Variants in KSR2 observed in about 807,000 individuals in gnomAD.
KSR2 encodes kinase suppressor of ras 2.
In KSR2, 25 loss-of-function variants were observed where a neutral mutation model predicts 107.8. That is an observed-to-expected ratio of 0.23 (90% confidence interval 0.17 to 0.32). The LOEUF (loss-of-function observed/expected upper bound fraction) is 0.32. Among genes scored for constraint, KSR2 ranks in the 10% least tolerant of loss-of-function variants. KSR2 has a pLI of 1.00. For missense variants in KSR2, 887 were observed against 1,268.9 expected (o/e 0.70, Z 4.57); for synonymous variants, 480 against 507.0 (o/e 0.95, Z 0.71).
At chr12:117,737,197 A>G (rs1887979719) in intron 4 of KSR2, among the ~76,000 whole-genome samples, 2 of 152,212 alleles carry the variant, frequency 1.3e-5, no homozygotes, top group African/African-American at 4.8e-5. Context: ...CTAATGTAAC[A>G]TCATATACAT....
intron 5 of KSR2, among the ~76,000 whole-genome samples, chr12:117,603,839 C>T (rs967118236): frequency 2.0e-5 from 3 of 152,200 alleles, no homozygotes; most frequent in Admixed American, 1.3e-4. Flanking sequence ...TGCTAACTGT[C>T]TTAGGCTTTC....
intron 3 of KSR2, among the ~76,000 whole-genome samples, chr12:117,777,157 A>T (rs1328084603): frequency 7.2e-6 from 1 of 139,224 alleles, no homozygotes; most frequent in African/African-American, 2.7e-5. Flanking sequence ...ATATATATAC[A>T]CACCATACAT....
At chr12:117,697,378 T>C (rs188895898) in intron 4 of KSR2, among the ~76,000 whole-genome samples, 46 of 152,338 alleles carry the variant, frequency 3.0e-4, no homozygotes, top group Admixed American at 2.7e-3. Flanking sequence ...CAGAGGTATG[T>C]TTATTTAATG....
intron 1 of KSR2, among the ~76,000 whole-genome samples, chr12:117,896,125 T>C (rs1328370182): frequency 1.3e-5 from 2 of 152,098 alleles, no homozygotes; most frequent in African/African-American, 2.4e-5. Flanking sequence ...GCAACCCAAA[T>C]GTCCATCAAC....
At chr12:117,517,784 G>T in intron 14 of KSR2, 1 of 451,118 alleles carries the variant, frequency 2.2e-6, no homozygotes. Context: ...ACTCGATGAT[G>T]GGGACGGAAT....
intron 9 of KSR2, among the ~76,000 whole-genome samples, chr12:117,552,928 T>G (rs991060487): frequency 6.6e-6 from 1 of 152,264 alleles, no homozygotes; most frequent in African/African-American, 2.4e-5. Flanking sequence ...ATTCCCATTA[T>G]GGAGCAGAGA....
intron 5 of KSR2, among the ~76,000 whole-genome samples, chr12:117,611,570 G>A (rs1017334470): frequency 2.0e-5 from 3 of 152,028 alleles, no homozygotes; most frequent in Non-Finnish European, 2.9e-5. Context: ...TGGGGAATAC[G>A]ATGGGGAAAG....
At chr12:117,924,026 G>A (rs557207612) in intron 1 of KSR2, among the ~76,000 whole-genome samples, 1 of 151,250 alleles carries the variant, frequency 6.6e-6, no homozygotes, top group South Asian at 2.1e-4. Context: ...TTACAGGCAT[G>A]CGCCACCACG....
intron 3 of KSR2, among the ~76,000 whole-genome samples, chr12:117,808,732 C>T (rs978187830): frequency 3.9e-5 from 6 of 151,944 alleles, no homozygotes; most frequent in Admixed American, 1.3e-4. Flanking sequence ...CTGGTGAATT[C>T]GTTGCCATCC....
At chr12:117,956,252 A>T (rs1434906671) in intron 1 of KSR2, among the ~76,000 whole-genome samples, 2 of 51,770 alleles carry the variant, frequency 3.9e-5, no homozygotes, top group African/African-American at 6.1e-4. Flanking sequence ...TCTGTCTCAA[A>T]AAAAAAAAAA....
intron 3 of KSR2, among the ~76,000 whole-genome samples, chr12:117,852,038 T>C (rs963897223): frequency 6.6e-6 from 1 of 152,148 alleles, no homozygotes; most frequent in African/African-American, 2.4e-5. Flanking sequence ...TATGTGTAGC[T>C]GTGTGTGTGC....
intron 5 of KSR2, among the ~76,000 whole-genome samples, chr12:117,602,725 A>G (rs1158040877): frequency 1.3e-5 from 2 of 152,156 alleles, no homozygotes; most frequent in Non-Finnish European, 2.9e-5. Flanking sequence ...GCGTATAGGT[A>G]TTTGTTTGAA....
intron 3 of KSR2, among the ~76,000 whole-genome samples, chr12:117,769,321 C>G (rs1464099776): frequency 6.6e-6 from 1 of 152,054 alleles, no homozygotes; most frequent in Non-Finnish European, 1.5e-5. Flanking sequence ...ATCCCATGAC[C>G]CTGAATTACA....
intron 4 of KSR2, among the ~76,000 whole-genome samples, chr12:117,671,247 G>T (rs1030504684): frequency 6.6e-6 from 1 of 152,112 alleles, no homozygotes; most frequent in Non-Finnish European, 1.5e-5. Context: ...TCTTCCTCCA[G>T]AAAGCATTCC....
chr12:117,786,210 A>T (rs550219124), intron 3 of KSR2, among the ~76,000 whole-genome samples: 1 of 152,326 alleles, frequency 6.6e-6, no homozygotes, highest in African/African-American at 2.4e-5. Context: ...TTTTAACAAC[A>T]TTTAAGAAAG....
chr12:117,774,114 A>G (rs1056872244), intron 3 of KSR2, among the ~76,000 whole-genome samples: 2 of 152,036 alleles, frequency 1.3e-5, no homozygotes, highest in Non-Finnish European at 2.9e-5. Context: ...GAAATGAGAG[A>G]CCCGTCCAGA....
intron 12 of KSR2, among the ~76,000 whole-genome samples, chr12:117,527,950 A>AGTGTGTGTGTGTGTGT (rs10664320): frequency 7.0e-6 from 1 of 142,620 alleles, no homozygotes; most frequent in African/African-American, 2.6e-5. Flanking sequence ...GGAAGACACA[A>AGTGTGTGTGTGTGTGT]GTGTGTGTGT....
intron 5 of KSR2, among the ~76,000 whole-genome samples, chr12:117,662,023 G>C (rs1160912966): frequency 6.6e-6 from 1 of 152,084 alleles, no homozygotes; most frequent in Non-Finnish European, 1.5e-5. Flanking sequence ...CCATTAAAAA[G>C]CTGCTGGGGC....
At chr12:117,585,989 T>A (rs1231350632) in intron 5 of KSR2, among the ~76,000 whole-genome samples, 1 of 152,218 alleles carries the variant, frequency 6.6e-6, no homozygotes, top group Non-Finnish European at 1.5e-5. Flanking sequence ...TTCTGAGAAA[T>A]GCATCTGCCC....
Sources: allele counts gnomAD v4.1 joint callset (sites outside exome capture counted in the v4.1 genomes callset), GRCh38; gene constraint gnomAD v4.1.1; transcripts MANE v1.5; gene names NCBI Gene and HGNC (gene_info 2026-07-23, HGNC 2026-07-21).